CSMD2: variants seen among roughly 807,000 people sequenced by gnomAD.
CSMD2 encodes CUB and sushi domain-containing protein 2.
In CSMD2, 130 loss-of-function variants were observed where a neutral mutation model predicts 398.5. That is an observed-to-expected ratio of 0.33 (90% confidence interval 0.28 to 0.38). The LOEUF is 0.38. Among genes scored for constraint, CSMD2 ranks in the 10% least tolerant of loss-of-function variants. CSMD2 has a pLI of 1.00. For missense variants in CSMD2, 3,829 were observed against 4,764.9 expected, an observed-to-expected ratio of 0.80 and a Z score of 5.78; for synonymous variants, 1,828 against 1,908.5, an observed-to-expected ratio of 0.96 and a Z score of 1.10.
At chr1:34,003,384 C>A (rs994119141) in intron 3 of CSMD2, among the ~76,000 whole-genome samples, 2 of 152,128 alleles carry the variant, frequency 1.3e-5, no homozygotes, top group South Asian at 4.1e-4. Context: ...TAGTTTTGCG[C>A]CTTTCTGTCA....
At chr1:33,711,486 G>A (rs1645987666) in intron 21 of CSMD2, among the ~76,000 whole-genome samples, 1 of 152,224 alleles carries the variant, frequency 6.6e-6, no homozygotes, top group Admixed American at 6.5e-5. Context: ...GGTAAACATA[G>A]GGGAATGGTT....
rs1405946861 is a variant in CSMD2 at position 33,633,357 on chromosome 1, T to A, written c.5200+65A>T. On this transcript the variant is annotated intron_variant, in intron 32 of 70. Coordinates refer to ENST00000373381, the MANE Select transcript of CSMD2 (RefSeq NM_001281956.2). This position sits in a 1 kb window ranked among gnomAD's most constrained non-coding sequence, Gnocchi z 5.0. ...GCCATGGGGTGCTTCTAGAGCCTCC[T>A]TCCTTTAGCCGGACGTGATGCCCCC... 13 of 1,261,788 alleles carry A rather than the reference T, an allele frequency of 1.0e-5. No homozygotes were observed. Among genetic ancestry groups the A allele is most frequent in the Non-Finnish European group, 1.4e-5 (12 of 885,062 alleles). The allele number at this position is 1,261,788 out of a possible 1,614,324, so 78.2% of individuals were successfully genotyped here.
At chr1:33,943,508 A>C (rs1243199608) in intron 3 of CSMD2, among the ~76,000 whole-genome samples, 1 of 152,186 alleles carries the variant, frequency 6.6e-6, no homozygotes, top group East Asian at 1.9e-4. Flanking sequence ...AGAATCCTGA[A>C]TCTCCTGGCC....
intron 3 of CSMD2, among the ~76,000 whole-genome samples, chr1:34,008,553 C>T (rs11590553): frequency 0.071 from 10,833 of 152,202 alleles, 968 homozygotes; most frequent in East Asian, 0.39. Context: ...TAGTTTTCTG[C>T]CTCAGGGCTC....
intron 46 of CSMD2, among the ~76,000 whole-genome samples, chr1:33,584,653 G>A (rs144030536): frequency 1.2e-3 from 142 of 113,986 alleles, no homozygotes; most frequent in African/African-American, 4.4e-3. Context: ...GCGACAGAGT[G>A]AGACTCCATC....
At chr1:34,130,495 G>A (rs1016186863) in intron 1 of CSMD2, among the ~76,000 whole-genome samples, 2 of 151,950 alleles carry the variant, frequency 1.3e-5, no homozygotes, top group Admixed American at 6.6e-5. Context: ...GGGAAGCGTG[G>A]GTAGACTGGC....
At chr1:34,026,781 ATGGCAGGAAGAC>A (rs1649708397) in intron 3 of CSMD2, among the ~76,000 whole-genome samples, 1 of 152,176 alleles carries the variant, frequency 6.6e-6, no homozygotes, top group South Asian at 2.1e-4. Flanking sequence ...AAATGACCAA[ATGGCAGGAAGAC>A]TGGAAACATC....
rs141765400 is a variant in CSMD2 at position 33,738,046 on chromosome 1, G to T, written c.2368+1094C>A. On this transcript the variant is annotated intron_variant, in intron 15 of 70. Transcript: ENST00000373381. ...GCTTGCCACCTCCAGTGTTCTCAGT[G>T]GTCCCTTGTCTCCCATCGAGCCATT... 5.1e-4 allele frequency among the ~76,000 whole-genome samples: 78 copies of T among 152,070 alleles called. 1 individual carries two copies. Among genetic ancestry groups the T allele is most frequent in the African/African-American group, 1.8e-3 (73 of 41,494 alleles).
intron 12 of CSMD2, among the ~76,000 whole-genome samples, chr1:33,781,059 G>A (rs1652699025): frequency 6.6e-6 from 1 of 152,170 alleles, no homozygotes; most frequent in Non-Finnish European, 1.5e-5. Flanking sequence ...ACCTCTTCTG[G>A]GGGCTCAGCA....
At chr1:34,050,699 T>C (rs976462548) in intron 2 of CSMD2, among the ~76,000 whole-genome samples, 7 of 152,188 alleles carry the variant, frequency 4.6e-5, no homozygotes, top group Admixed American at 2.6e-4. Context: ...GGGATGGAAA[T>C]AGGAGTAGCT....
At position 33,646,748 on chromosome 1, in the gene CSMD2, G is replaced by A. The variant is rs150259647; in HGVS notation, c.4674C>T (p.Ser1558=). The change falls in exon 29 of 71, where the codon TCC becomes TCT. Residue 1558 remains serine (S), a synonymous_variant. Transcript: ENST00000373381. ...LSPLIGSFYG[S]QLPGRIESSS... ...TGCTTTCAATGCGGCCTGGGAGCTG[G>A]GAGCCATAGAAGCTTCCTATGAGAG... The A allele has an allele frequency of 7.4e-6, 12 of 1,614,084 alleles. No homozygotes were observed. Among genetic ancestry groups the A allele is most frequent in the Non-Finnish European group, 1.0e-5 (12 of 1,180,042 alleles).
chr1:33,593,678 C>A (rs568033625), intron 44 of CSMD2, among the ~76,000 whole-genome samples: 1 of 152,152 alleles, frequency 6.6e-6, no homozygotes, highest in Admixed American at 6.5e-5. Context: ...TACAGCCAAA[C>A]CAGATCATTA....
intron 3 of CSMD2, among the ~76,000 whole-genome samples, chr1:33,998,186 T>C (rs1421789285): frequency 6.6e-6 from 1 of 151,946 alleles, no homozygotes; most frequent in Non-Finnish European, 1.5e-5. Context: ...TATAAGAAAA[T>C]TAAGAGAGAC....
At chr1:33,750,549 C>T (rs986622751) in intron 13 of CSMD2, among the ~76,000 whole-genome samples, 7 of 152,146 alleles carry the variant, frequency 4.6e-5, no homozygotes, top group Non-Finnish European at 7.3e-5. Flanking sequence ...TACTTCCTCC[C>T]AGAGGAGGAA....
chr1:33,667,329 A>G (rs1202607515), intron 25 of CSMD2, among the ~76,000 whole-genome samples: 1 of 152,216 alleles, frequency 6.6e-6, no homozygotes, highest in Non-Finnish European at 1.5e-5. Context: ...ACCACTGTGT[A>G]TAAGGCACTT....
intron 1 of CSMD2, among the ~76,000 whole-genome samples, chr1:34,156,553 T>C (rs1275401877): frequency 6.6e-6 from 1 of 152,260 alleles, no homozygotes; most frequent in Non-Finnish European, 1.5e-5. Flanking sequence ...ATAGAACTTA[T>C]TCTGTTTTCT....
At chr1:33,926,441 A>C (rs1042008183) in intron 4 of CSMD2, among the ~76,000 whole-genome samples, 4 of 152,164 alleles carry the variant, frequency 2.6e-5, no homozygotes, top group African/African-American at 9.7e-5. Flanking sequence ...TGAGAACTTG[A>C]GATCCTCTGG....
At chr1:34,066,299 T>C (rs369929964) in intron 2 of CSMD2, among the ~76,000 whole-genome samples, 28 of 152,240 alleles carry the variant, frequency 1.8e-4, no homozygotes, top group African/African-American at 6.5e-4. Flanking sequence ...GAAGCGCTGT[T>C]CCAAAGCCTG....
At chr1:33,671,681 C>T (rs936240439) in intron 25 of CSMD2, among the ~76,000 whole-genome samples, 10 of 152,128 alleles carry the variant, frequency 6.6e-5, no homozygotes, top group Non-Finnish European at 1.3e-4. Flanking sequence ...TCTGAGACTC[C>T]ACTGTGCTTT....
Sources: allele counts gnomAD v4.1 joint callset (sites outside exome capture counted in the v4.1 genomes callset), GRCh38; gene constraint gnomAD v4.1.1; non-coding constraint Gnocchi (gnomAD v3.1); transcripts MANE v1.5; gene names NCBI Gene and HGNC (gene_info 2026-07-23, HGNC 2026-07-21).